The following SYT9 variants were observed in gnomAD, a reference collection of about 807,000 sequenced individuals.
SYT9 encodes the protein synaptotagmin 9.
Under a neutral mutation model 48.4 loss-of-function variants are expected in SYT9, and 22 were observed. That is an observed-to-expected ratio of 0.45 (90% CI 0.32 to 0.65). The LOEUF (loss-of-function observed/expected upper bound fraction) is 0.65. Ranked by LOEUF, SYT9 falls within the 30% of genes least tolerant of loss-of-function variation. SYT9 has a pLI of 0.03. For missense variants in SYT9, 577 were observed against 622.0 expected (o/e 0.93, Z 0.77); for synonymous variants, 265 against 245.0 (o/e 1.08, Z -0.76).
chr11:7,266,923 A>C (rs1392766591), intron 1 of SYT9, among the ~76,000 whole-genome samples: 1 of 152,106 alleles, frequency 6.6e-6, no homozygotes, highest in Non-Finnish European at 1.5e-5. Flanking sequence ...TGATTCCTTA[A>C]ATGTTTAGGA....
intron 2 of SYT9, among the ~76,000 whole-genome samples, chr11:7,309,182 G>A (rs1345073062): frequency 6.6e-6 from 1 of 152,146 alleles, no homozygotes; most frequent in Non-Finnish European, 1.5e-5. Context: ...TTCCATGAGA[G>A]GAAAACAGCT....
rs1435396620 is a variant in SYT9, at chr11:7,270,906, GT to G, written c.145+18580del. On this transcript the variant is annotated intron_variant, in intron 1 of 6. Coordinates refer to ENST00000318881, the MANE Select transcript of SYT9 (RefSeq NM_175733.4). ...GAGAGAGTGTCATCAGGTGTGGAGAGTTTTTGCAGGTAACTGCAAAGCCTAA... is the reference window on the plus strand; with the variant it reads ...GAGAGAGTGTCATCAGGTGTGGAGAGTTTTGCAGGTAACTGCAAAGCCTAA... 4.0e-5 allele frequency among the ~76,000 whole-genome samples: 6 copies of G among 151,812 alleles called. No homozygotes were observed. The East Asian group carries it at 1.2e-3, about 29-fold the overall frequency.
At chr11:7,316,890 A>G (rs980717647) in intron 3 of SYT9, among the ~76,000 whole-genome samples, 2 of 152,216 alleles carry the variant, frequency 1.3e-5, no homozygotes, top group Admixed American at 6.5e-5. Flanking sequence ...ATCTCTTGAT[A>G]TGTTTATTGG....
chr11:7,245,878 T>G (rs991666125), intron 1 of SYT9, among the ~76,000 whole-genome samples: 3 of 152,240 alleles, frequency 2.0e-5, no homozygotes, highest in Non-Finnish European at 2.9e-5. Context: ...CCATAGCATC[T>G]GGGATGCTCT....
At chr11:7,353,714 T>C (rs1849963282) in intron 3 of SYT9, among the ~76,000 whole-genome samples, 1 of 152,224 alleles carries the variant, frequency 6.6e-6, no homozygotes, top group East Asian at 1.9e-4. Context: ...TTTATTTATA[T>C]TAAGCTTTCC....
At chr11:7,419,575 C>T (rs1056140588) in intron 5 of SYT9, among the ~76,000 whole-genome samples, 1 of 152,076 alleles carries the variant, frequency 6.6e-6, no homozygotes, top group Non-Finnish European at 1.5e-5. Context: ...TGTCTCAAGG[C>T]GGGGACCTAC....
At chr11:7,461,796 C>G (rs1848241649) in intron 6 of SYT9, among the ~76,000 whole-genome samples, 2 of 152,256 alleles carry the variant, frequency 1.3e-5, no homozygotes. Flanking sequence ...CACTTTACTT[C>G]ATCAGGTAGA....
At chr11:7,434,536 G>A (rs1370366709) in intron 6 of SYT9, among the ~76,000 whole-genome samples, 1 of 152,190 alleles carries the variant, frequency 6.6e-6, no homozygotes, top group East Asian at 1.9e-4. Flanking sequence ...GGTGAAGGGT[G>A]TGGAAGCTGG....
At chr11:7,370,732 G>T (rs1194090306) in intron 3 of SYT9, among the ~76,000 whole-genome samples, 1 of 152,026 alleles carries the variant, frequency 6.6e-6, no homozygotes. Context: ...TGTCAAGTTG[G>T]GATAAATATG....
chr11:7,418,232 G>T (rs1319364385), intron 5 of SYT9, 104 bp downstream of exon 5: 2 of 1,312,842 alleles, frequency 1.5e-6, no homozygotes, highest in Non-Finnish European at 2.1e-6. Context: ...GTCCCAGGCT[G>T]CAGGAAATGA....
rs572941640 is a variant in SYT9, at chr11:7,346,448, G to A, written c.1044+32507G>A. Among the ~76,000 whole-genome samples, 14 of 152,336 alleles carry A rather than the reference G, an allele frequency of 9.2e-5. No individual in the cohort carries two copies. The East Asian group carries it at 2.7e-3, about 29-fold the overall frequency. On this transcript the variant is annotated intron_variant, in intron 3 of 6. Coordinates refer to ENST00000318881, the MANE Select transcript of SYT9 (RefSeq NM_175733.4). ...ATAAAACTCTTCTTCCCATGTTGCA[G>A]TGGGAGGGAGAGGCCAATGCAAGTG...
chr11:7,293,242 A>T (rs898869374), intron 1 of SYT9, among the ~76,000 whole-genome samples: 2 of 152,206 alleles, frequency 1.3e-5, no homozygotes, highest in African/African-American at 4.8e-5. Context: ...AAACAGTCAT[A>T]TTTCAGATGT....
chr11:7,270,911 T>C (rs1374173562), intron 1 of SYT9, among the ~76,000 whole-genome samples: 1 of 151,900 alleles, frequency 6.6e-6, no homozygotes, highest in African/African-American at 2.4e-5. Flanking sequence ...GGAGAGTTTT[T>C]GCAGGTAACT....
At chr11:7,428,975 G>A (rs563684359) in intron 6 of SYT9, among the ~76,000 whole-genome samples, 2 of 152,300 alleles carry the variant, frequency 1.3e-5, no homozygotes, top group South Asian at 4.1e-4. Flanking sequence ...CAATAGAATA[G>A]TACAGCCAAA....
chr11:7,277,625 C>T (rs935729291), intron 1 of SYT9, among the ~76,000 whole-genome samples: 2 of 152,198 alleles, frequency 1.3e-5, no homozygotes, highest in Non-Finnish European at 2.9e-5. Flanking sequence ...TTATGTTAGG[C>T]ATGTGGGCAA....
At chr11:7,447,723 C>T (rs1315078401) in intron 6 of SYT9, among the ~76,000 whole-genome samples, 2 of 151,884 alleles carry the variant, frequency 1.3e-5, no homozygotes, top group Non-Finnish European at 2.9e-5. Flanking sequence ...TGTGATAGCT[C>T]CCATAATGCT....
rs1328822168 is a variant in SYT9 at position 7,467,963 on chromosome 11, T to A, written c.*1163T>A. The A allele has an allele frequency of 7.4e-6, 2 of 270,466 alleles. No individual in the cohort carries two copies. Among genetic ancestry groups the A allele is most frequent in the Non-Finnish European group, 1.4e-5 (2 of 145,456 alleles). 16.8% of individuals were successfully genotyped at this position (270,466 alleles called of 1,614,324 possible). On this transcript the variant is annotated 3_prime_UTR_variant, in exon 7 of 7. Transcript: ENST00000318881. Reference sequence around the variant, plus strand: ...CTTCCTGACCAAGTCTGCCAACCAATGGCCAGCTATGCGCCTCATCCTCAT... The same window carrying A: ...CTTCCTGACCAAGTCTGCCAACCAAAGGCCAGCTATGCGCCTCATCCTCAT...
chr11:7,348,334 C>T (rs998490023), intron 3 of SYT9, among the ~76,000 whole-genome samples: 1 of 152,322 alleles, frequency 6.6e-6, no homozygotes, highest in Non-Finnish European at 1.5e-5. Context: ...TGGCCATCAG[C>T]ATGGCTTCAC....
chr11:7,458,142 G>T (rs1362486527), intron 6 of SYT9, among the ~76,000 whole-genome samples: 1 of 152,186 alleles, frequency 6.6e-6, no homozygotes, highest in Non-Finnish European at 1.5e-5. Context: ...CTTGACTAGT[G>T]GGAGACACAG....
Sources: gnomAD v4.1 joint callset for allele counts (sites outside exome capture counted in the v4.1 genomes callset) on GRCh38, gnomAD v4.1.1 for gene constraint, MANE v1.5 for transcripts, NCBI Gene and HGNC (gene_info 2026-07-23, HGNC 2026-07-21) for gene names.